The following THSD4 variants were observed in gnomAD, a reference collection of about 807,000 sequenced individuals.
THSD4 encodes the protein thrombospondin type 1 domain containing 4, also known as thrombospondin type-1 domain-containing protein 4.
Under a neutral mutation model 119.0 loss-of-function variants are expected in THSD4, and 69 were observed. That is an observed-to-expected ratio of 0.58 (90% CI 0.48 to 0.71). The LOEUF (loss-of-function observed/expected upper bound fraction) is 0.71. Among genes scored for constraint, THSD4 ranks in the 30% least tolerant of loss-of-function variants. THSD4 has a pLI of 0.00. For missense variants in THSD4, 1,393 were observed against 1,391.1 expected, an observed-to-expected ratio of 1.00 and a Z score of -0.02; for synonymous variants, 524 against 540.4, an observed-to-expected ratio of 0.97 and a Z score of 0.42.
At chr15:71,497,599 A>T (rs1043636755) in intron 7 of THSD4, among the ~76,000 whole-genome samples, 17 of 151,950 alleles carry the variant, frequency 1.1e-4, no homozygotes, top group Non-Finnish European at 2.9e-5. Context: ...AAATAAATTT[A>T]TTTTGTAGTG....
At chr15:71,671,900 G>A (rs1231191922) in intron 8 of THSD4, among the ~76,000 whole-genome samples, 1 of 152,216 alleles carries the variant, frequency 6.6e-6, no homozygotes, top group Non-Finnish European at 1.5e-5. Flanking sequence ...TTGTAGTATA[G>A]TTTGAAGTCA....
At chr15:71,106,019 C>T (rs2040273051) in intron 1 of THSD4, among the ~76,000 whole-genome samples, 1 of 152,088 alleles carries the variant, frequency 6.6e-6, no homozygotes, top group Non-Finnish European at 1.5e-5. Context: ...ATGTTCTATC[C>T]ATAACACATT....
At chr15:71,377,222 G>A (rs1250643169) in intron 6 of THSD4, among the ~76,000 whole-genome samples, 6 of 152,216 alleles carry the variant, frequency 3.9e-5, no homozygotes, top group Non-Finnish European at 8.8e-5. Context: ...TGCCCAGTGG[G>A]GAAGAACAGA....
At chr15:71,106,412 G>A (rs1298302305) in intron 1 of THSD4, among the ~76,000 whole-genome samples, 1 of 152,088 alleles carries the variant, frequency 6.6e-6, no homozygotes, top group African/African-American at 2.4e-5. Flanking sequence ...GGCAGAACTG[G>A]TATTTGGGTA....
intron 7 of THSD4, among the ~76,000 whole-genome samples, chr15:71,641,323 A>C (rs1383095370): frequency 6.6e-6 from 1 of 151,772 alleles, no homozygotes; most frequent in Admixed American, 6.6e-5. Context: ...TAGGAAATCT[A>C]ATCTTTCTTC....
At chr15:71,489,740 T>G (rs938976207) in intron 7 of THSD4, among the ~76,000 whole-genome samples, 2 of 152,248 alleles carry the variant, frequency 1.3e-5, no homozygotes, top group African/African-American at 2.4e-5. Context: ...GTTCTCATTT[T>G]TGGGTTATTT....
chr15:71,245,682 C>T (rs183618638), intron 5 of THSD4, among the ~76,000 whole-genome samples: 4 of 152,278 alleles, frequency 2.6e-5, no homozygotes, highest in South Asian at 4.1e-4. Flanking sequence ...CCCCTGTGCC[C>T]GGGGTTTTTA....
intron 6 of THSD4, among the ~76,000 whole-genome samples, chr15:71,263,555 T>A (rs2044428549): frequency 6.6e-6 from 1 of 152,182 alleles, no homozygotes; most frequent in Non-Finnish European, 1.5e-5. Context: ...TCTAAGTCTT[T>A]GAGGAATTGC....
intron 6 of THSD4, chr15:71,341,597 A>G (rs778113307): frequency 1.8e-5 from 28 of 1,593,348 alleles, no homozygotes; most frequent in African/African-American, 2.7e-5. Context: ...TCGTATATGC[A>G]TACCCTTGAT....
chr15:71,299,105 A>G (rs2044908518), intron 6 of THSD4, among the ~76,000 whole-genome samples: 1 of 152,246 alleles, frequency 6.6e-6, no homozygotes, highest in Non-Finnish European at 1.5e-5. Context: ...CAGAATGACC[A>G]TTAAAAGAGG....
At chr15:71,545,727 A>T (rs1283631964) in intron 7 of THSD4, among the ~76,000 whole-genome samples, 1 of 152,144 alleles carries the variant, frequency 6.6e-6, no homozygotes, top group Non-Finnish European at 1.5e-5. Context: ...AAGAGGAAAA[A>T]TTCATTCCTT....
Position 71,233,163 on chromosome 15 carries a change from A to C in THSD4, c.465-9486A>C, listed in dbSNP as rs149909050. Reference sequence around the variant, plus strand: ...GTTCTTGATGAGACAGTTCAGAGGAATATTTTGTCCTTGAGCTATTTCTGT... The same window carrying C: ...GTTCTTGATGAGACAGTTCAGAGGACTATTTTGTCCTTGAGCTATTTCTGT... On this transcript the variant is annotated intron_variant, in intron 4 of 17. Coordinates refer to ENST00000261862, the MANE Select transcript of THSD4 (RefSeq NM_024817.3). 2.9e-3 allele frequency among the ~76,000 whole-genome samples: 445 copies of C among 152,284 alleles called. 2 individuals are homozygous for C. The highest frequency in any genetic ancestry group is 0.01 in the African/African-American group (427 of 41,556).
At chr15:71,151,594 C>T (rs1173120838) in intron 2 of THSD4, among the ~76,000 whole-genome samples, 1 of 152,112 alleles carries the variant, frequency 6.6e-6, no homozygotes, top group African/African-American at 2.4e-5. Flanking sequence ...GTCATGCAAC[C>T]ATGGAGCATG....
Position 71,125,118 on chromosome 15 carries a change from G to A in THSD4, c.-80+9420G>A, listed in dbSNP as rs143412837. Among the ~76,000 whole-genome samples the A allele has an allele frequency of 3.3e-5, 5 of 152,100 alleles. No homozygotes were observed. In the East Asian group the frequency reaches 9.7e-4, roughly 29 times the overall value. On this transcript the variant is annotated intron_variant, in intron 1 of 17. Transcript: ENST00000261862. Reference sequence around the variant, plus strand: ...AGAAGGTGAAGAGGAAGGGGAAAGGGAAGGAGAAAGGAAGGCAAGGAAAGG... The same window carrying A: ...AGAAGGTGAAGAGGAAGGGGAAAGGAAAGGAGAAAGGAAGGCAAGGAAAGG...
intron 3 of THSD4, among the ~76,000 whole-genome samples, chr15:71,177,757 C>T (rs1186263640): frequency 6.6e-4 from 86 of 130,136 alleles, no homozygotes; most frequent in African/African-American, 2.1e-3. Flanking sequence ...ACTGGCAAAC[C>T]GAATCCAGCA....
In THSD4 at chr15:71,353,072, G is replaced by GT. The variant is rs561371710; in HGVS notation, c.1016-58614dup. On this transcript the variant is annotated intron_variant, in intron 6 of 17. Coordinates refer to ENST00000261862, the MANE Select transcript of THSD4 (RefSeq NM_024817.3). ...TCACATTCATTCAACACTATCTCATGTACCAGACACTTTTCTGAGCACTCT... is the reference window on the plus strand; with the variant it reads ...TCACATTCATTCAACACTATCTCATGTTACCAGACACTTTTCTGAGCACTCT... Among the ~76,000 whole-genome samples the GT allele has an allele frequency of 1.2e-3, 190 of 152,314 alleles. 2 individuals carry two copies. Among genetic ancestry groups the GT allele is most frequent in the African/African-American group, 4.4e-3 (184 of 41,582 alleles).
intron 7 of THSD4, among the ~76,000 whole-genome samples, chr15:71,469,570 G>A (rs1432787615): frequency 6.6e-6 from 1 of 152,160 alleles, no homozygotes; most frequent in East Asian, 1.9e-4. Flanking sequence ...GGCGAAGTGA[G>A]GCACAGGTGG....
At chr15:71,534,907 C>G (rs949581977) in intron 7 of THSD4, among the ~76,000 whole-genome samples, 1 of 151,510 alleles carries the variant, frequency 6.6e-6, no homozygotes, top group African/African-American at 2.4e-5. Context: ...TTGCAGTGAG[C>G]CAAGATTGTT....
At chr15:71,194,522 C>T (rs563027653) in intron 3 of THSD4, among the ~76,000 whole-genome samples, 6 of 152,168 alleles carry the variant, frequency 3.9e-5, no homozygotes, top group Non-Finnish European at 8.8e-5. Context: ...TATAATTTCT[C>T]TAGTGACCCC....
Sources: allele counts gnomAD v4.1 joint callset (sites outside exome capture counted in the v4.1 genomes callset), GRCh38; gene constraint gnomAD v4.1.1; transcripts MANE v1.5; gene names NCBI Gene and HGNC (gene_info 2026-07-23, HGNC 2026-07-21).